The following C16orf89 variants were observed in gnomAD, a reference collection of about 807,000 sequenced individuals.
C16orf89 encodes chromosome 16 open reading frame 89, also known as UPF0764 protein C16orf89.
Under a neutral mutation model 41.5 loss-of-function variants are expected in C16orf89, and 57 were observed. That is an observed-to-expected ratio of 1.38 (90% CI 1.11 to 1.71). The LOEUF is 1.71. Ranked by LOEUF, C16orf89 falls within the 40% of genes most tolerant of loss-of-function variation. C16orf89 has a pLI of 0.00. For missense variants in C16orf89, 575 were observed against 445.9 expected (o/e 1.29, Z -2.61); for synonymous variants, 223 against 190.6 (o/e 1.17, Z -1.40).
At chr16:5,045,424 G>A (rs982986390) in intron 7 of C16orf89, among the ~76,000 whole-genome samples, 1 of 152,166 alleles carries the variant, frequency 6.6e-6, no homozygotes, top group Non-Finnish European at 1.5e-5. Context: ...TTAGTTCTTT[G>A]AGCTCAAAGT....
intron 3 of C16orf89, among the ~76,000 whole-genome samples, chr16:5,059,526 C>A (rs551130729): frequency 4.6e-5 from 7 of 152,098 alleles, no homozygotes; most frequent in Non-Finnish European, 5.9e-5. Flanking sequence ...TGGGGCCCAG[C>A]CCCTCCGTGA....
chr16:5,052,759 C>T (rs1045887126), intron 6 of C16orf89, among the ~76,000 whole-genome samples: 1 of 152,096 alleles, frequency 6.6e-6, no homozygotes, highest in Admixed American at 6.6e-5. Flanking sequence ...TCATATGATC[C>T]AGCAATCCCA....
chr16:5,065,648 A>G, intron 1 of C16orf89, 53 bp downstream of exon 1: 2 of 1,544,018 alleles, frequency 1.3e-6, no homozygotes, highest in South Asian at 1.2e-5. Flanking sequence ...GCAGGGGACA[A>G]AGCTGAGAGC....
At chr16:5,064,354 G>C (rs1956692071) in intron 1 of C16orf89, among the ~76,000 whole-genome samples, 1 of 152,190 alleles carries the variant, frequency 6.6e-6, no homozygotes, top group African/African-American at 2.4e-5. Context: ...AGCCGTTGCT[G>C]CTAGTCAAGG....
intron 7 of C16orf89, among the ~76,000 whole-genome samples, chr16:5,047,036 A>C (rs1347222650): frequency 6.6e-6 from 1 of 152,102 alleles, no homozygotes; most frequent in African/African-American, 2.4e-5. Flanking sequence ...AAACTCCAGC[A>C]CACAGACCCC....
At chr16:5,062,639 A>G (rs1294766815) in intron 1 of C16orf89, 65 bp from the exon 2 acceptor site, 4 of 1,465,190 alleles carry the variant, frequency 2.7e-6, no homozygotes, top group Admixed American at 2.2e-5. Context: ...GCCTTGGAAC[A>G]AGAAAAAAAA....
intron 3 of C16orf89, 72 bp downstream of exon 3, chr16:5,060,214 A>T: frequency 6.7e-7 from 1 of 1,483,916 alleles, no homozygotes; most frequent in East Asian, 2.4e-5. Flanking sequence ...TTGGAGAAGG[A>T]GGAGCGGGAC....
chr16:5,053,656 A>G (rs183601037), intron 6 of C16orf89, among the ~76,000 whole-genome samples: 1 of 150,980 alleles, frequency 6.6e-6, no homozygotes, highest in African/African-American at 2.4e-5. Context: ...TGATTCTCCC[A>G]CCTCATTCTC....
intron 2 of C16orf89, among the ~76,000 whole-genome samples, chr16:5,061,829 A>T (rs1375371696): frequency 2.0e-5 from 3 of 152,052 alleles, no homozygotes; most frequent in African/African-American, 7.2e-5. Context: ...GAGCAGCATG[A>T]TGGACTGGTT....
chr16:5,058,463 TGGC>T lies in C16orf89; in HGVS notation c.627+27_627+29del, dbSNP rs753465609. ...TTTTCCTTTTTCCTTCCCCTTCCCC[TGGC>T]ACGGCGGGGGCTCCCTGGGCACTCA... On this transcript the variant is annotated intron_variant, in intron 4 of 7. Coordinates refer to ENST00000472572, the MANE Select transcript of C16orf89 (RefSeq NM_001098514.3). 1.4e-5 allele frequency: 21 copies of T among 1,550,396 alleles called. No individual in the cohort carries two copies. In the African/African-American group the frequency reaches 2.7e-4, roughly 20 times the overall value.
At chr16:5,057,895 T>C (rs1956542843) in intron 4 of C16orf89, among the ~76,000 whole-genome samples, 2 of 152,042 alleles carry the variant, frequency 1.3e-5, no homozygotes, top group Non-Finnish European at 2.9e-5. Flanking sequence ...TTTCTCTCTC[T>C]CGTTGTGTTT....
intron 4 of C16orf89, among the ~76,000 whole-genome samples, chr16:5,057,896 CGTT>C (rs962340874): frequency 6.6e-6 from 1 of 151,978 alleles, no homozygotes; most frequent in Admixed American, 6.6e-5. Context: ...TTCTCTCTCT[CGTT>C]GTGTTTTTCT....
chr16:5,048,274 A>G lies in C16orf89; in HGVS notation c.869-310T>C, dbSNP rs147823992. On this transcript the variant is annotated intron_variant, in intron 6 of 7. Transcript: ENST00000472572. ...GGACTTGAACTCCTGAGCTCAAGTG[A>G]CCCTCCAGCCTTGGCCTCCCAAAGT... 2.1e-3 allele frequency among the ~76,000 whole-genome samples: 317 copies of G among 152,216 alleles called. 4 individuals carry two copies. Among genetic ancestry groups the G allele is most frequent in the African/African-American group, 4.5e-3 (185 of 41,542 alleles).
chr16:5,044,515 G>T (rs1358097776), intron 7 of C16orf89, 37 bp from the exon 8 acceptor site: 1 of 1,610,784 alleles, frequency 6.2e-7, no homozygotes, highest in Admixed American at 1.7e-5. Context: ...TGGGTGGCAA[G>T]AACCTTGGCC....
At chr16:5,047,216 A>G (rs1409743130) in intron 7 of C16orf89, among the ~76,000 whole-genome samples, 1 of 152,054 alleles carries the variant, frequency 6.6e-6, no homozygotes, top group African/African-American at 2.4e-5. Context: ...CTCCAGCTCT[A>G]GGGAGGGTAG....
At position 5,058,941 on chromosome 16, in the gene C16orf89, C is replaced by T. The variant is rs992003186; in HGVS notation, c.510-331G>A. 2.6e-5 allele frequency among the ~76,000 whole-genome samples: 4 copies of T among 152,144 alleles called. 1 individual carries two copies. The East Asian group carries it at 7.8e-4, about 30-fold the overall frequency. On this transcript the variant is annotated intron_variant, in intron 3 of 7. Coordinates refer to ENST00000472572, the MANE Select transcript of C16orf89 (RefSeq NM_001098514.3). ...CCACTTGGAATCTGGGCCCAACATG[C>T]TTATTCCTCCTGCACCAGCCAGGCG...
chr16:5,062,211 C>T (rs949824562), intron 2 of C16orf89, among the ~76,000 whole-genome samples: 8 of 152,204 alleles, frequency 5.3e-5, no homozygotes, highest in East Asian at 1.9e-4. Context: ...CCTCTGCACA[C>T]CTCTGTGTGG....
chr16:5,060,324 C>G lies in C16orf89; in HGVS notation c.471G>C (p.Glu157Asp), dbSNP rs1308687426. 1.2e-6 allele frequency: 2 copies of G among 1,612,724 alleles called. No homozygotes were observed. Among genetic ancestry groups the G allele is most frequent in the African/African-American group, 1.3e-5 (1 of 74,986 alleles). The part of the protein sequence containing the change: ...TFGPQDSFSE[E>D]RSDVCLVQLL... ...GCTGCACCAGGCACACGTCACTTCT[C>G]TCCTCTGAGAATGAGTCCTGGGGCC... Residue 157 changes from glutamate (E) to aspartate (D), a missense_variant, in exon 3 of 8, where the codon GAG becomes GAC. Coordinates refer to ENST00000472572, the MANE Select transcript of C16orf89 (RefSeq NM_001098514.3).
Position 5,062,638 on chromosome 16 carries a change from C to G in C16orf89, c.209-64G>C, listed in dbSNP as rs79167687. On this transcript the variant is annotated intron_variant, in intron 1 of 7. Coordinates refer to ENST00000472572, the MANE Select transcript of C16orf89 (RefSeq NM_001098514.3). Reference sequence around the variant, plus strand: ...ATCGGGACCTTTTTTTGCCTTGGAACAAGAAAAAAAAATGCCCCAAAGTCT... The same window carrying G: ...ATCGGGACCTTTTTTTGCCTTGGAAGAAGAAAAAAAAATGCCCCAAAGTCT... 2,070 of 1,465,472 alleles carry G rather than the reference C, an allele frequency of 1.4e-3. 18 individuals are homozygous for G. The highest frequency in any genetic ancestry group is 0.01 in the South Asian group (750 of 74,654). The allele number at this position is 1,465,472 out of a possible 1,614,324, so 90.8% of individuals were successfully genotyped here.
Sources: gnomAD v4.1 joint callset for allele counts (sites outside exome capture counted in the v4.1 genomes callset) on GRCh38, gnomAD v4.1.1 for gene constraint, MANE v1.5 for transcripts, NCBI Gene and HGNC (gene_info 2026-07-23, HGNC 2026-07-21) for gene names.